C16orf89: variants seen among roughly 807,000 people sequenced by gnomAD.
C16orf89 encodes chromosome 16 open reading frame 89.
C16orf89 carries 57 observed loss-of-function variants against 41.5 expected under a neutral mutation model. The observed-to-expected ratio is 1.38, with a 90% CI of 1.11 to 1.71. C16orf89 has a LOEUF of 1.71. C16orf89 is among the 40% of genes most tolerant of loss of function. C16orf89 has a pLI of 0.00. For synonymous variants in C16orf89, 223 were observed against 190.6 expected, an observed-to-expected ratio of 1.17 and a Z score of -1.40; for missense variants, 575 against 445.9, an observed-to-expected ratio of 1.29 and a Z score of -2.61.
chr16:5,064,714 A>C lies in C16orf89; in HGVS notation c.208+987T>G, dbSNP rs557881517. 4.6e-5 allele frequency among the ~76,000 whole-genome samples: 7 copies of C among 152,236 alleles called. 1 individual carries two copies. The East Asian group carries it at 1.4e-3, about 29-fold the overall frequency. ...TCTGTTATGGAGCAAGATTATTGAG[A>C]GGAGAAGGGGCAGTGGATGTGGGAT... On this transcript the variant is annotated intron_variant, in intron 1 of 7. Transcript: ENST00000472572.
chr16:5,061,607 T>C (rs1024984904), intron 2 of C16orf89, among the ~76,000 whole-genome samples: 2 of 151,180 alleles, frequency 1.3e-5, no homozygotes, highest in Non-Finnish European at 1.5e-5. Flanking sequence ...ACTAAACAGA[T>C]GCCCAGTCAT....
At position 5,063,292 on chromosome 16, in the gene C16orf89, C is replaced by T. The variant is rs112882538; in HGVS notation, c.209-718G>A. ...TGCTGAGGTAGTCCTCCAGGGCGACCGGCTCTGGCACGCCCCCTCTGCTCA... is the reference window on the plus strand; with the variant it reads ...TGCTGAGGTAGTCCTCCAGGGCGACTGGCTCTGGCACGCCCCCTCTGCTCA... On this transcript the variant is annotated intron_variant, in intron 1 of 7. Coordinates refer to ENST00000472572, the MANE Select transcript of C16orf89 (RefSeq NM_001098514.3). Among the ~76,000 whole-genome samples, 607 of 152,230 alleles carry T rather than the reference C, an allele frequency of 4.0e-3. 5 individuals carry two copies. Among genetic ancestry groups the T allele is most frequent in the East Asian group, 0.037 (193 of 5,164 alleles).
At chr16:5,052,607 A>G (rs36003050) in intron 6 of C16orf89, among the ~76,000 whole-genome samples, 15 of 119,064 alleles carry the variant, frequency 1.3e-4, no homozygotes, top group Non-Finnish European at 1.9e-4. Flanking sequence ...AAGAAAGAAA[A>G]AAAAAAAAGA....
At chr16:5,061,148 G>T (rs548869863) in intron 2 of C16orf89, among the ~76,000 whole-genome samples, 1 of 150,264 alleles carries the variant, frequency 6.7e-6, no homozygotes. Context: ...TGTAGTCCCA[G>T]CTACTCAGGA....
intron 5 of C16orf89, chr16:5,055,558 G>A (rs1956480904): frequency 1.8e-6 from 2 of 1,094,126 alleles, no homozygotes; most frequent in Admixed American, 2.7e-5. Flanking sequence ...TCCCACTGAG[G>A]GCCTTGGTCA....
intron 1 of C16orf89, 139 bp downstream of exon 1, chr16:5,065,562 G>T: frequency 9.8e-7 from 1 of 1,019,540 alleles, no homozygotes; most frequent in Non-Finnish European, 1.4e-6. Context: ...CCAGCCCCTG[G>T]CCTCCTCTCT....
intron 6 of C16orf89, 27 bp from the exon 7 acceptor site, chr16:5,047,991 C>G: frequency 2.5e-6 from 3 of 1,187,878 alleles, no homozygotes; most frequent in Non-Finnish European, 3.7e-6. Flanking sequence ...AGTTGAACTT[C>G]TCAAGAGAGA....
chr16:5,049,324 G>A (rs1262726409), intron 6 of C16orf89, among the ~76,000 whole-genome samples: 1 of 152,136 alleles, frequency 6.6e-6, no homozygotes, highest in Non-Finnish European at 1.5e-5. Context: ...AAGAAACACT[G>A]AATTTAAACT....
intron 7 of C16orf89, among the ~76,000 whole-genome samples, chr16:5,045,520 G>C (rs368988570): frequency 1.3e-5 from 2 of 152,184 alleles, no homozygotes; most frequent in South Asian, 2.1e-4. Flanking sequence ...ACTTTGGGAA[G>C]GGGAGGGGAC....
At chr16:5,059,588 C>A (rs530596137) in intron 3 of C16orf89, among the ~76,000 whole-genome samples, 17 of 152,294 alleles carry the variant, frequency 1.1e-4, no homozygotes, top group Admixed American at 1.3e-4. Context: ...TGACAGGATG[C>A]GGCCTGGGCA....
intron 7 of C16orf89, among the ~76,000 whole-genome samples, chr16:5,047,079 C>T (rs1405183008): frequency 6.6e-6 from 1 of 152,166 alleles, no homozygotes; most frequent in Non-Finnish European, 1.5e-5. Flanking sequence ...GTCTTGCCTA[C>T]TGGTTTCGAC....
At chr16:5,056,350 C>T (rs769760272) in intron 4 of C16orf89, among the ~76,000 whole-genome samples, 162 bp from the exon 5 acceptor site, 4 of 152,130 alleles carry the variant, frequency 2.6e-5, no homozygotes, top group Non-Finnish European at 4.4e-5. Context: ...GGATTTCTTC[C>T]CCATGCACAC....
chr16:5,061,790 G>A (rs1195568595), intron 2 of C16orf89, among the ~76,000 whole-genome samples: 5 of 152,130 alleles, frequency 3.3e-5, no homozygotes, highest in Admixed American at 2.0e-4. Flanking sequence ...TGCATCTGAT[G>A]GGAGTGGGGA....
At chr16:5,049,499 A>G (rs1956359560) in intron 6 of C16orf89, among the ~76,000 whole-genome samples, 1 of 152,256 alleles carries the variant, frequency 6.6e-6, no homozygotes, top group African/African-American at 2.4e-5. Context: ...AATCATAGCA[A>G]GTATCTTCTT....
At chr16:5,043,423 C>T (rs1956239469), downstream of C16orf89, 1 of 152,274 alleles carries the variant, frequency 6.6e-6, no homozygotes, top group Non-Finnish European at 1.5e-5. Context: ...TTGGTGACTG[C>T]TCAAGGACAC....
chr16:5,047,715 A>AC (rs1203495967), intron 7 of C16orf89, among the ~76,000 whole-genome samples, 163 bp downstream of exon 7: 1 of 151,894 alleles, frequency 6.6e-6, no homozygotes, highest in Non-Finnish European at 1.5e-5. Context: ...GCCATCAGGG[A>AC]CCCCCAGCCT....
intron 6 of C16orf89, among the ~76,000 whole-genome samples, chr16:5,054,408 A>G (rs543888047): frequency 3.2e-4 from 49 of 152,228 alleles, no homozygotes; most frequent in African/African-American, 1.1e-3. Context: ...ACCTCCTCCC[A>G]TGTAGTTGTT....
At chr16:5,051,628 G>T (rs924801855) in intron 6 of C16orf89, among the ~76,000 whole-genome samples, 4 of 151,970 alleles carry the variant, frequency 2.6e-5, no homozygotes, top group African/African-American at 9.7e-5. Context: ...CCATGCTACC[G>T]AAGTGATCTA....
intron 7 of C16orf89, 51 bp from the exon 8 acceptor site, chr16:5,044,529 T>G (rs1403806773): frequency 6.2e-6 from 10 of 1,607,760 alleles, no homozygotes; most frequent in Non-Finnish European, 8.5e-6. Flanking sequence ...CTTGGCCCTT[T>G]ATTCAACACA....
Sources: gnomAD v4.1 joint callset for allele counts (sites outside exome capture counted in the v4.1 genomes callset) on GRCh38, gnomAD v4.1.1 for gene constraint, MANE v1.5 for transcripts, NCBI Gene and HGNC (gene_info 2026-07-23, HGNC 2026-07-21) for gene names.